SPOCK3: variants seen among roughly 807,000 people sequenced by gnomAD.
SPOCK3 encodes the protein testican-3.
In SPOCK3, 30 loss-of-function variants were observed where a neutral mutation model predicts 56.6. That is an observed-to-expected ratio of 0.53 (90% CI 0.40 to 0.72). The LOEUF (loss-of-function observed/expected upper bound fraction) is 0.72. Among genes scored for constraint, SPOCK3 ranks in the 30% least tolerant of loss-of-function variants. The probability of loss-of-function intolerance (pLI) is 0.00; values close to 1 mark genes in which losing one functional copy is unlikely to be tolerated. For synonymous variants in SPOCK3, 196 were observed against 183.3 expected, an observed-to-expected ratio of 1.07 and a Z score of -0.56; for missense variants, 527 against 530.0, an observed-to-expected ratio of 0.99 and a Z score of 0.06.
intron 2 of SPOCK3, among the ~76,000 whole-genome samples, chr4:167,072,048 C>T (rs564325105): frequency 1.3e-5 from 2 of 152,108 alleles, no homozygotes; most frequent in South Asian, 2.1e-4. Context: ...TACTCACTCA[C>T]CCTGTACCAG....
chr4:167,029,274 T>C (rs1024007911), intron 3 of SPOCK3, among the ~76,000 whole-genome samples: 3 of 150,924 alleles, frequency 2.0e-5, no homozygotes, highest in African/African-American at 7.4e-5. Context: ...ATTTTTAACA[T>C]TTTGGCTGAA....
At chr4:167,208,876 T>A (rs1310888953) in intron 2 of SPOCK3, among the ~76,000 whole-genome samples, 7 of 152,256 alleles carry the variant, frequency 4.6e-5, no homozygotes, top group African/African-American at 1.7e-4. Flanking sequence ...AGGAAAACAT[T>A]AAAATCCTGT....
intron 2 of SPOCK3, among the ~76,000 whole-genome samples, chr4:167,230,070 G>A (rs990601313): frequency 6.6e-6 from 1 of 151,626 alleles, no homozygotes; most frequent in African/African-American, 2.4e-5. Flanking sequence ...TTTTTTCTAA[G>A]TTTTTATTAT....
At chr4:167,156,685 C>A (rs1039698958) in intron 2 of SPOCK3, among the ~76,000 whole-genome samples, 3 of 152,108 alleles carry the variant, frequency 2.0e-5, no homozygotes, top group African/African-American at 7.2e-5. Context: ...TGCATAATTT[C>A]CCTATTTTAT....
chr4:167,096,130 A>C (rs1043915757), intron 2 of SPOCK3, among the ~76,000 whole-genome samples: 1 of 151,970 alleles, frequency 6.6e-6, no homozygotes, highest in Admixed American at 6.6e-5. Context: ...ATGGAGAGAT[A>C]TTTCATGTAC....
chr4:166,993,311 C>A (rs963744695), intron 4 of SPOCK3, among the ~76,000 whole-genome samples: 1 of 152,142 alleles, frequency 6.6e-6, no homozygotes, highest in East Asian at 1.9e-4. Flanking sequence ...TCCCTTGAGG[C>A]GTCTAGTGCC....
intron 4 of SPOCK3, among the ~76,000 whole-genome samples, chr4:166,960,811 A>G (rs1216050595): frequency 1.3e-5 from 2 of 152,184 alleles, no homozygotes; most frequent in African/African-American, 4.8e-5. Flanking sequence ...GGAGGGATCG[A>G]GTTTTAAGAA....
intron 2 of SPOCK3, among the ~76,000 whole-genome samples, chr4:167,152,781 T>C (rs1185097109): frequency 6.6e-6 from 1 of 152,172 alleles, no homozygotes; most frequent in African/African-American, 2.4e-5. Flanking sequence ...AGTAATCCAC[T>C]CTAATATCTA....
At chr4:166,782,186 C>G (rs1025908451) in intron 7 of SPOCK3, among the ~76,000 whole-genome samples, 6 of 152,108 alleles carry the variant, frequency 3.9e-5, no homozygotes, top group African/African-American at 1.4e-4. Flanking sequence ...CTCCACTGTA[C>G]TATCAAACAT....
At chr4:166,828,390 C>T (rs949557822) in intron 6 of SPOCK3, among the ~76,000 whole-genome samples, 3 of 151,836 alleles carry the variant, frequency 2.0e-5, no homozygotes, top group African/African-American at 7.2e-5. Context: ...TGTAATTTAG[C>T]TTGCATTTAC....
At chr4:167,046,821 T>C (rs1753777577) in intron 3 of SPOCK3, among the ~76,000 whole-genome samples, 2 of 152,106 alleles carry the variant, frequency 1.3e-5, no homozygotes, top group Admixed American at 1.3e-4. Context: ...ACAATGAGCA[T>C]GAAATAAACA....
intron 2 of SPOCK3, among the ~76,000 whole-genome samples, chr4:167,128,305 C>A (rs1048094494): frequency 1.3e-5 from 2 of 152,130 alleles, no homozygotes; most frequent in Non-Finnish European, 2.9e-5. Flanking sequence ...TCTTTTATTG[C>A]CAAACAAAGG....
intron 6 of SPOCK3, among the ~76,000 whole-genome samples, chr4:166,830,118 C>T (rs1240341241): frequency 6.6e-6 from 1 of 152,114 alleles, no homozygotes; most frequent in Non-Finnish European, 1.5e-5. Context: ...TCTCAATCAC[C>T]ACCCTTTCTA....
chr4:167,202,189 C>T (rs1733581149), intron 2 of SPOCK3, among the ~76,000 whole-genome samples: 1 of 151,912 alleles, frequency 6.6e-6, no homozygotes, highest in Non-Finnish European at 1.5e-5. Flanking sequence ...GATGCCATGT[C>T]CTGCCTGCAC....
At chr4:167,121,442 C>T (rs34457514) in intron 2 of SPOCK3, among the ~76,000 whole-genome samples, 4,805 of 151,248 alleles carry the variant, frequency 0.032, 106 homozygotes, top group Middle Eastern at 0.065. Flanking sequence ...CCATTAGTAC[C>T]TCATGTAGAG....
intron 6 of SPOCK3, among the ~76,000 whole-genome samples, chr4:166,857,956 C>T (rs1415255641): frequency 6.6e-6 from 1 of 152,142 alleles, no homozygotes; most frequent in Non-Finnish European, 1.5e-5. Context: ...AACCTATAGT[C>T]CAAAAGTAAA....
intron 6 of SPOCK3, among the ~76,000 whole-genome samples, chr4:166,876,099 A>T (rs1286230104): frequency 6.6e-6 from 1 of 152,158 alleles, no homozygotes; most frequent in Non-Finnish European, 1.5e-5. Context: ...TTGCCTTGGA[A>T]GAAGGCATTA....
chr4:166,957,642 G>C lies in SPOCK3; in HGVS notation c.350+42707C>G, dbSNP rs202058329. On this transcript the variant is annotated intron_variant, in intron 4 of 10. Transcript: ENST00000357545. ...ACTATAAGCTGTGACTAAGCCCTTG[G>C]GAGCCCACTTCTGGCATCAGTGTGC... Among the ~76,000 whole-genome samples the C allele has an allele frequency of 1.3e-4, 20 of 152,264 alleles. No individual in the cohort carries two copies. The South Asian group carries it at 4.1e-3, about 32-fold the overall frequency.
chr4:166,797,714 T>G (rs913841473), intron 6 of SPOCK3, among the ~76,000 whole-genome samples: 1 of 152,188 alleles, frequency 6.6e-6, no homozygotes, highest in East Asian at 1.9e-4. Flanking sequence ...CAGATTCTAA[T>G]GTATATTAAC....
Sources: gnomAD v4.1 joint callset for allele counts (sites outside exome capture counted in the v4.1 genomes callset) on GRCh38, gnomAD v4.1.1 for gene constraint, MANE v1.5 for transcripts, NCBI Gene and HGNC (gene_info 2026-07-23, HGNC 2026-07-21) for gene names.